The following GATAD2B variants were observed in gnomAD, a reference collection of about 807,000 sequenced individuals.
The protein encoded by GATAD2B is transcriptional repressor p66-beta.
GATAD2B carries 8 observed loss-of-function variants against 64.3 expected under a neutral mutation model. The observed-to-expected ratio is 0.12, with a 90% CI of 0.07 to 0.22. GATAD2B has a LOEUF of 0.22. Among genes scored for constraint, GATAD2B ranks in the 10% least tolerant of loss-of-function variants. GATAD2B has a pLI of 1.00. For synonymous variants in GATAD2B, 281 were observed against 271.3 expected, an observed-to-expected ratio of 1.04 and a Z score of -0.35; for missense variants, 453 against 752.0, an observed-to-expected ratio of 0.60 and a Z score of 4.65.
At chr1:153,866,221 A>G (rs1676471252) in intron 1 of GATAD2B, among the ~76,000 whole-genome samples, 2 of 151,936 alleles carry the variant, frequency 1.3e-5, no homozygotes, top group Non-Finnish European at 2.9e-5. Flanking sequence ...AAAAAAAAAA[A>G]AAAATTCATA....
At chr1:153,832,514 G>A (rs897267703) in intron 1 of GATAD2B, among the ~76,000 whole-genome samples, 4 of 152,160 alleles carry the variant, frequency 2.6e-5, no homozygotes, top group African/African-American at 9.7e-5. Context: ...AAGAAGTCAC[G>A]CCATAACACC....
At chr1:153,895,594 AT>A (rs1296555633) in intron 1 of GATAD2B, among the ~76,000 whole-genome samples, 28 of 151,960 alleles carry the variant, frequency 1.8e-4, no homozygotes, top group African/African-American at 6.8e-4. Context: ...AAAAATAAAA[AT>A]AAAAAAAAAA....
In GATAD2B at chr1:153,816,469, G is replaced by A. The variant is rs140272058; in HGVS notation, c.1020C>T (p.Ser340=). 9.3e-4 allele frequency: 1,496 copies of A among 1,614,044 alleles called. 2 individuals carry two copies. Among genetic ancestry groups the A allele is most frequent in the Non-Finnish European group, 1.1e-3 (1,352 of 1,179,854 alleles). The change falls in exon 7 of 11, where the codon AGC becomes AGT. Residue 340 remains serine, a synonymous_variant. Transcript: ENST00000368655. This position sits in a 1 kb window ranked among gnomAD's most constrained non-coding sequence, Gnocchi z 4.9. ...NRVSSPLPSP[S]AMTDAANSQA... Reference sequence around the variant, plus strand: ...GTGAGTTGGCAGCATCAGTCATGGCGCTGGGGCTAGGAAGTGGCGAGGACA... The same window carrying A: ...GTGAGTTGGCAGCATCAGTCATGGCACTGGGGCTAGGAAGTGGCGAGGACA...
intron 1 of GATAD2B, chr1:153,853,480 T>G: frequency 2.3e-6 from 1 of 432,206 alleles, no homozygotes; most frequent in South Asian, 2.9e-5. Flanking sequence ...ACATATATTT[T>G]TTGCTACTGA....
intron 1 of GATAD2B, among the ~76,000 whole-genome samples, chr1:153,887,515 T>C (rs1034205075): frequency 3.3e-5 from 5 of 152,182 alleles, no homozygotes; most frequent in African/African-American, 1.2e-4. Context: ...TATGGACTAG[T>C]TCTTAACACA....
intron 1 of GATAD2B, among the ~76,000 whole-genome samples, chr1:153,849,722 C>G (rs923577036): frequency 2.6e-5 from 4 of 152,150 alleles, no homozygotes; most frequent in Non-Finnish European, 4.4e-5. Context: ...CCCCCTCCTT[C>G]CGGTTTCAAG....
intron 1 of GATAD2B, among the ~76,000 whole-genome samples, chr1:153,884,116 G>A (rs1415994465): frequency 1.3e-5 from 2 of 152,018 alleles, no homozygotes; most frequent in African/African-American, 4.8e-5. Flanking sequence ...GGCCAACACG[G>A]TGAAACCCCA....
chr1:153,904,107 C>G (rs1158366271), intron 1 of GATAD2B, among the ~76,000 whole-genome samples: 2 of 151,988 alleles, frequency 1.3e-5, no homozygotes, highest in African/African-American at 2.4e-5. Flanking sequence ...GAAGAAACCT[C>G]AGTCTCTACT....
At chr1:153,833,950 G>A (rs1675171351) in intron 1 of GATAD2B, among the ~76,000 whole-genome samples, 1 of 151,814 alleles carries the variant, frequency 6.6e-6, no homozygotes, top group African/African-American at 2.4e-5. Flanking sequence ...ACTGGCCTGG[G>A]CAACACAGTA....
chr1:153,920,642 A>G (rs546147508), intron 1 of GATAD2B, among the ~76,000 whole-genome samples: 5 of 152,336 alleles, frequency 3.3e-5, no homozygotes, highest in Non-Finnish European at 7.3e-5. Context: ...AGTGTCATAA[A>G]GATGGATGCT....
intron 1 of GATAD2B, among the ~76,000 whole-genome samples, chr1:153,845,638 T>C (rs960051728): frequency 4.7e-5 from 3 of 63,370 alleles, no homozygotes; most frequent in African/African-American, 1.9e-4. Context: ...CCAGCTACTT[T>C]GGCGGGGGGC....
chr1:153,844,133 T>A (rs1006909545), intron 1 of GATAD2B, among the ~76,000 whole-genome samples: 7 of 151,944 alleles, frequency 4.6e-5, no homozygotes, highest in African/African-American at 1.7e-4. Flanking sequence ...CCCAGAGATC[T>A]GCAAAATGAT....
intron 1 of GATAD2B, among the ~76,000 whole-genome samples, chr1:153,843,760 AT>A (rs1401653035): frequency 6.7e-6 from 1 of 148,680 alleles, no homozygotes; most frequent in Non-Finnish European, 1.5e-5. Context: ...GGTCAAGATG[AT>A]TCAACAGAGA....
chr1:153,897,183 C>A (rs941652070), intron 1 of GATAD2B, among the ~76,000 whole-genome samples: 2 of 151,992 alleles, frequency 1.3e-5, no homozygotes, highest in Non-Finnish European at 2.9e-5. Context: ...GTGCCCGCCA[C>A]CTCACCCAGC....
At chr1:153,825,458 C>G (rs1224234323) in intron 2 of GATAD2B, among the ~76,000 whole-genome samples, 4 of 152,158 alleles carry the variant, frequency 2.6e-5, no homozygotes, top group Admixed American at 2.6e-4. Context: ...GAGTCTCACT[C>G]TGTTGCCCAG....
intron 1 of GATAD2B, among the ~76,000 whole-genome samples, chr1:153,882,695 T>C (rs1225728585): frequency 6.6e-6 from 1 of 152,186 alleles, no homozygotes. Context: ...CTTTACTCTT[T>C]GCATTCTAGC....
At chr1:153,902,440 C>G (rs1406168625) in intron 1 of GATAD2B, among the ~76,000 whole-genome samples, 1 of 151,850 alleles carries the variant, frequency 6.6e-6, no homozygotes, top group Non-Finnish European at 1.5e-5. Flanking sequence ...ACATATTATA[C>G]CTAGTATTAT....
At position 153,912,693 on chromosome 1, in the gene GATAD2B, A is replaced by T. The variant is rs535911728; in HGVS notation, c.-2+10040T>A. On this transcript the variant is annotated intron_variant, in intron 1 of 10. Coordinates refer to ENST00000368655, the MANE Select transcript of GATAD2B (RefSeq NM_020699.4). ...CTCCTTAAAAAATGTTACCCTATTG[A>T]GCAAATTTTTTCAATTTCTTTACTG... 2.0e-5 allele frequency among the ~76,000 whole-genome samples: 3 copies of T among 152,202 alleles called. No individual in the cohort carries two copies. The East Asian group carries it at 5.8e-4, about 29-fold the overall frequency.
intron 2 of GATAD2B, among the ~76,000 whole-genome samples, chr1:153,820,046 C>A (rs1570930967): frequency 7.0e-6 from 1 of 142,332 alleles, no homozygotes; most frequent in East Asian, 2.0e-4. Context: ...TGCAGTGAGC[C>A]AAGATTGCAC....
Sources: gnomAD v4.1 joint callset for allele counts (sites outside exome capture counted in the v4.1 genomes callset) on GRCh38, gnomAD v4.1.1 for gene constraint, Gnocchi (gnomAD v3.1) non-coding constraint, MANE v1.5 for transcripts, NCBI Gene and HGNC (gene_info 2026-07-23, HGNC 2026-07-21) for gene names.